The following TRPM4 variants were observed in gnomAD, a reference collection of about 807,000 sequenced individuals.
The protein encoded by TRPM4 is calcium-activated non-selective cation channel 1.
TRPM4 carries 124 observed loss-of-function variants against 135.6 expected under a neutral mutation model. The ratio of observed to expected loss-of-function variants is 0.91; its 90% CI spans 0.79 to 1.06. The LOEUF is 1.06. Ranked by LOEUF, TRPM4 falls within the 50% of genes least tolerant of loss-of-function variation. The pLI is 0.00. For synonymous variants in TRPM4, 745 were observed against 705.6 expected (o/e 1.06, Z -0.88); for missense variants, 1,658 against 1,671.4 (o/e 0.99, Z 0.14).
intron 12 of TRPM4, among the ~76,000 whole-genome samples, chr19:49,184,452 C>CTT (rs67748057): frequency 0.044 from 2,023 of 45,516 alleles, 631 homozygotes; most frequent in African/African-American, 0.094. Context: ...TCTCTGTAGT[C>CTT]TTTTTTTTTT....
intron 19 of TRPM4, among the ~76,000 whole-genome samples, chr19:49,201,722 C>G (rs544857919): frequency 1.3e-5 from 2 of 152,144 alleles, no homozygotes; most frequent in Non-Finnish European, 2.9e-5. Context: ...CTCAGCCTCC[C>G]GAGTAGCTGG....
chr19:49,158,294 T>TCCGCGGCCCGCTGACCCCGC (rs1176990671), intron 2 of TRPM4, 35 bp downstream of exon 2: 22 of 1,602,744 alleles, frequency 1.4e-5, no homozygotes, highest in Non-Finnish European at 1.8e-5. Context: ...CCCCAGAGGG[T>TCCGCGGCCCGCTGACCCCGC]CCGCGGCCCG....
At chr19:49,177,076 G>A (rs1967723741) in intron 9 of TRPM4, among the ~76,000 whole-genome samples, 1 of 152,064 alleles carries the variant, frequency 6.6e-6, no homozygotes, top group Admixed American at 6.6e-5. Flanking sequence ...TTCCTCTGGG[G>A]GTACATCCTT....
Position 49,211,006 on chromosome 19 carries a change from C to A in TRPM4, c.3462-9C>A, listed in dbSNP as rs949586177. On this transcript the variant is annotated splice_polypyrimidine_tract_variant and intron_variant, in intron 22 of 24. Coordinates refer to ENST00000252826, the MANE Select transcript of TRPM4 (RefSeq NM_017636.4). This position sits in a 1 kb window ranked among gnomAD's most constrained non-coding sequence, Gnocchi z 4.8. Reference sequence around the variant, plus strand: ...CGGGTGCCCCCGGTAAGAGGCCCTCCCTTCTCAGGGTGGACTTGGCACTGA... The same window carrying A: ...CGGGTGCCCCCGGTAAGAGGCCCTCACTTCTCAGGGTGGACTTGGCACTGA... 4 of 1,613,786 alleles carry A rather than the reference C, an allele frequency of 2.5e-6. No individual in the cohort carries two copies. The highest frequency in any genetic ancestry group is 3.3e-5 in the Admixed American group (2 of 59,990).
intron 9 of TRPM4, among the ~76,000 whole-genome samples, chr19:49,177,708 C>T (rs73574415): frequency 0.047 from 7,211 of 152,256 alleles, 517 homozygotes; most frequent in African/African-American, 0.15. Flanking sequence ...TCTCCCTTCC[C>T]TGCCTGCAAG....
At chr19:49,183,044 G>A (rs772458499) in intron 11 of TRPM4, 34 bp from the exon 12 acceptor site, 8 of 1,608,560 alleles carry the variant, frequency 5.0e-6, no homozygotes, top group South Asian at 3.3e-5. Context: ...GTTGGGGAGG[G>A]GCTGGTCCTC....
At chr19:49,201,449 T>C (rs1370897234) in intron 19 of TRPM4, among the ~76,000 whole-genome samples, 1 of 152,230 alleles carries the variant, frequency 6.6e-6, no homozygotes, top group African/African-American at 2.4e-5. Context: ...GGCTAAATTG[T>C]GAGAGCTAAG....
chr19:49,190,896 GTAAT>G, intron 16 of TRPM4, 123 bp downstream of exon 16: 1 of 748,040 alleles, frequency 1.3e-6, no homozygotes, highest in Non-Finnish European at 2.2e-6. Flanking sequence ...CTGAGACTGA[GTAAT>G]TTATAAAGAA....
chr19:49,158,031 G>A (rs1047228265), intron 1 of TRPM4, 141 bp downstream of exon 1: 139 of 1,278,344 alleles, frequency 1.1e-4, no homozygotes, highest in Non-Finnish European at 1.4e-4. Flanking sequence ...AGGGTCCAGG[G>A]CATGGGGGTC....
intron 14 of TRPM4, 43 bp from the exon 15 acceptor site, chr19:49,190,165 C>A: frequency 6.5e-7 from 1 of 1,549,612 alleles, no homozygotes; most frequent in Non-Finnish European, 8.9e-7. Context: ...AGGGACGGGG[C>A]TGTGGGGGAG....
rs371365820 is a variant in TRPM4 at position 49,210,704 on chromosome 19, C to T, written c.3329-6C>T. On this transcript the variant is annotated splice_polypyrimidine_tract_variant and splice_region_variant and intron_variant, in intron 21 of 24. Transcript: ENST00000252826. This position sits in a 1 kb window ranked among gnomAD's most constrained non-coding sequence, Gnocchi z 4.1. The stretch of plus-strand genomic sequence containing the variant: ...CTGAGCCCTTTGACTCCGCCCGCCC[C>T]TGCAGGGGTTTACCTTTCTAAGGAA... 1 of 1,614,118 alleles carries T rather than the reference C, an allele frequency of 6.2e-7. No individual in the cohort carries two copies. Among genetic ancestry groups the T allele is most frequent in the Non-Finnish European group, 8.5e-7 (1 of 1,180,042 alleles).
chr19:49,199,076 T>C (rs1226926501), intron 17 of TRPM4, among the ~76,000 whole-genome samples: 1 of 152,124 alleles, frequency 6.6e-6, no homozygotes. Context: ...CGACAATGCC[T>C]GATACTTTCA....
At chr19:49,165,842 G>C (rs1186396678) in intron 2 of TRPM4, among the ~76,000 whole-genome samples, 199 bp from the exon 3 acceptor site, 1 of 152,144 alleles carries the variant, frequency 6.6e-6, no homozygotes. Context: ...CTTCCTTCCC[G>C]TGGGGAAAGG....
At chr19:49,182,086 A>ATCTG (rs1967956916) in intron 10 of TRPM4, among the ~76,000 whole-genome samples, 12 of 142,702 alleles carry the variant, frequency 8.4e-5, no homozygotes, top group Non-Finnish European at 1.2e-4. Flanking sequence ...CCATCCATCC[A>ATCTG]TCCATCTGTC....
At chr19:49,178,001 G>A (rs1462171551) in intron 9 of TRPM4, among the ~76,000 whole-genome samples, 2 of 152,162 alleles carry the variant, frequency 1.3e-5, no homozygotes, top group Non-Finnish European at 1.5e-5. Context: ...CTGTCCTTGA[G>A]AGGCAGCAGA....
intron 9 of TRPM4, among the ~76,000 whole-genome samples, chr19:49,174,877 G>A (rs138022920): frequency 6.6e-6 from 1 of 151,652 alleles, no homozygotes; most frequent in African/African-American, 2.4e-5. Context: ...TCTGTGTGGG[G>A]AGGGTCATTT....
At chr19:49,183,019 C>G (rs1167819443) in intron 11 of TRPM4, 59 bp from the exon 12 acceptor site, 1 of 1,603,820 alleles carries the variant, frequency 6.2e-7, no homozygotes, top group Non-Finnish European at 8.5e-7. Flanking sequence ...AGAGGCAGGG[C>G]TGGTGGTGGC....
Position 49,211,530 on chromosome 19 carries a change from C to T in TRPM4, c.*32C>T, listed in dbSNP as rs766761217. On this transcript the variant is annotated 3_prime_UTR_variant, in exon 25 of 25. Transcript: ENST00000252826. The surrounding 1 kb of genome is among the most constrained non-coding windows in gnomAD (Gnocchi z 4.8). ...CTGGCGGACTTCAAGGAGAAGCCCCCACAGGGGATTTTGCTCCTAGAGTAA... is the reference window on the plus strand; with the variant it reads ...CTGGCGGACTTCAAGGAGAAGCCCCTACAGGGGATTTTGCTCCTAGAGTAA... 6.2e-7 allele frequency: 1 copy of T among 1,613,966 alleles called. No homozygotes were observed. The highest frequency in any genetic ancestry group is 8.5e-7 in the Non-Finnish European group (1 of 1,180,000).
chr19:49,188,682 G>A lies in TRPM4; in HGVS notation c.1785G>A (p.Leu595=), dbSNP rs771752073. The A allele has an allele frequency of 6.2e-7, 1 of 1,614,168 alleles. No individual in the cohort carries two copies. Among genetic ancestry groups the A allele is most frequent in the Non-Finnish European group, 8.5e-7 (1 of 1,180,038 alleles). The change falls in exon 13 of 25, where the codon CTG becomes CTA. Residue 595 remains leucine, a synonymous_variant. Coordinates refer to ENST00000252826, the MANE Select transcript of TRPM4 (RefSeq NM_017636.4). ...CCTCAGCTCTTGGGGCCTGTTTGCTGCTCCGGGTGATGGCACGCCTGGAGC... is the reference window on the plus strand; with the variant it reads ...CCTCAGCTCTTGGGGCCTGTTTGCTACTCCGGGTGATGGCACGCCTGGAGC... The part of the protein sequence containing the change: ...AVSSALGACL[L]LRVMARLEPD...
Sources: gnomAD v4.1 joint callset for allele counts (sites outside exome capture counted in the v4.1 genomes callset) on GRCh38, gnomAD v4.1.1 for gene constraint, Gnocchi (gnomAD v3.1) non-coding constraint, MANE v1.5 for transcripts, NCBI Gene and HGNC (gene_info 2026-07-23, HGNC 2026-07-21) for gene names.